Variants in NRXN3 observed in about 807,000 individuals in gnomAD.
NRXN3 encodes neurexin 3, also known as neurexin III.
In NRXN3, 32 loss-of-function variants were observed where a neutral mutation model predicts 137.6. That is an observed-to-expected ratio of 0.23 (90% CI 0.18 to 0.31). The LOEUF (loss-of-function observed/expected upper bound fraction) is 0.31. Among genes scored for constraint, NRXN3 ranks in the 10% least tolerant of loss-of-function variants. The pLI is 1.00. For missense variants in NRXN3, 1,574 were observed against 2,062.5 expected, an observed-to-expected ratio of 0.76 and a Z score of 4.59; for synonymous variants, 798 against 784.5, an observed-to-expected ratio of 1.02 and a Z score of -0.29.
intron 19 of NRXN3, among the ~76,000 whole-genome samples, chr14:79,710,038 G>T (rs1218489044): frequency 6.6e-6 from 1 of 152,052 alleles, no homozygotes; most frequent in Non-Finnish European, 1.5e-5. Context: ...CCTGGATGGG[G>T]TTTTTGTTAT....
At chr14:79,123,782 T>A (rs540368123) in intron 15 of NRXN3, among the ~76,000 whole-genome samples, 2 of 151,948 alleles carry the variant, frequency 1.3e-5, no homozygotes, top group African/African-American at 4.8e-5. Flanking sequence ...AAAGTGGGAG[T>A]ACTGTATACA....
chr14:78,405,617 G>T (rs1398704823), intron 4 of NRXN3, among the ~76,000 whole-genome samples: 1 of 143,426 alleles, frequency 7.0e-6, no homozygotes, highest in Non-Finnish European at 1.5e-5. Context: ...AAGGGGCGGG[G>T]GGGTTCCGGG....
chr14:78,997,828 G>T (rs1179879261), intron 15 of NRXN3, among the ~76,000 whole-genome samples: 1 of 152,158 alleles, frequency 6.6e-6, no homozygotes, highest in Middle Eastern at 3.2e-3. Context: ...GGTCATTGCT[G>T]TTTGAATTTG....
intron 10 of NRXN3, among the ~76,000 whole-genome samples, chr14:78,815,479 C>CTTTTTTTTCTTT (rs2098929357): frequency 2.4e-5 from 2 of 84,438 alleles, no homozygotes; most frequent in Admixed American, 1.9e-4. Context: ...TTGTTTCTTT[C>CTTTTTTTTCTTT]TTTTTTTTTT....
rs146428700 is a variant in NRXN3, at chr14:78,710,022, C to T, written c.1660+367C>T. ...TCTTTTTCCTCATCACCATGGAAAC[C>T]GATTGTGACATCACAGATGCTGCAT... On this transcript the variant is annotated intron_variant, in intron 7 of 20. Coordinates refer to ENST00000335750, the MANE Select transcript of NRXN3 (RefSeq NM_001330195.2). The T allele has an allele frequency of 1.1e-3, 238 of 223,184 alleles. 4 individuals carry two copies. The East Asian group carries it at 0.02, about 19-fold the overall frequency. 13.8% of individuals were successfully genotyped at this position (223,184 alleles called of 1,614,324 possible). A position where few individuals can be genotyped will look rare whatever the true frequency, so the allele number is the denominator to read the frequency against.
At chr14:78,410,314 T>G (rs897757858) in intron 4 of NRXN3, among the ~76,000 whole-genome samples, 1 of 152,208 alleles carries the variant, frequency 6.6e-6, no homozygotes, top group African/African-American at 2.4e-5. Context: ...ATGTTATAGC[T>G]CTGTTAGATG....
chr14:79,084,069 C>T (rs369817417), intron 15 of NRXN3, among the ~76,000 whole-genome samples: 16 of 151,962 alleles, frequency 1.1e-4, no homozygotes, highest in Admixed American at 2.0e-4. Context: ...ACCACCATGC[C>T]TGGTTAATTT....
chr14:79,634,237 A>T (rs948626328), intron 16 of NRXN3, among the ~76,000 whole-genome samples: 1 of 152,154 alleles, frequency 6.6e-6, no homozygotes, highest in Non-Finnish European at 1.5e-5. Context: ...TCATGCTACT[A>T]TCTATCCTGT....
intron 15 of NRXN3, among the ~76,000 whole-genome samples, chr14:79,357,203 A>G (rs1366870408): frequency 6.6e-6 from 1 of 152,216 alleles, no homozygotes; most frequent in East Asian, 1.9e-4. Flanking sequence ...AGACATTTCA[A>G]CAGAAAACCA....
chr14:78,711,027 T>C (rs540267956), intron 7 of NRXN3, among the ~76,000 whole-genome samples: 1 of 152,340 alleles, frequency 6.6e-6, no homozygotes, highest in African/African-American at 2.4e-5. Context: ...CTTCTTCTTC[T>C]TCTTTTCTTT....
At chr14:78,328,231 A>G (rs1294936067) in intron 4 of NRXN3, among the ~76,000 whole-genome samples, 2 of 152,166 alleles carry the variant, frequency 1.3e-5, no homozygotes, top group Non-Finnish European at 2.9e-5. Flanking sequence ...AGTCTAGGAA[A>G]AAATAATTCT....
intron 15 of NRXN3, among the ~76,000 whole-genome samples, chr14:79,368,745 C>G (rs2093986831): frequency 6.6e-6 from 1 of 152,196 alleles, no homozygotes; most frequent in African/African-American, 2.4e-5. Context: ...ACCTAGACAT[C>G]AGTCACCATC....
chr14:78,739,324 G>A (rs1221920128), intron 8 of NRXN3, among the ~76,000 whole-genome samples: 4 of 152,308 alleles, frequency 2.6e-5, no homozygotes, highest in South Asian at 2.1e-4. Flanking sequence ...TGTTGGCTGC[G>A]ATCCTCAGGT....
intron 16 of NRXN3, among the ~76,000 whole-genome samples, chr14:79,623,690 A>T (rs1175299086): frequency 6.6e-6 from 1 of 152,218 alleles, no homozygotes; most frequent in Non-Finnish European, 1.5e-5. Flanking sequence ...TTCATTCAGG[A>T]TATTTAATTC....
In NRXN3 at chr14:79,862,180, C is replaced by T. The variant is rs2099414780; in HGVS notation, c.*216C>T. On this transcript the variant is annotated 3_prime_UTR_variant, in exon 21 of 21. Transcript: ENST00000335750. ...GCTCAGCCACGGCTGCGGCAAGGTC[C>T]CAGCGGTCGCTGGGAGACAGAAGGT... 7.6e-6 allele frequency: 4 copies of T among 527,764 alleles called. No homozygotes were observed. The highest frequency in any genetic ancestry group is 1.9e-5 in the African/African-American group (1 of 52,542). The allele number at this position is 527,764 out of a possible 1,614,324, so 32.7% of individuals were successfully genotyped here. A position where few individuals can be genotyped will look rare whatever the true frequency, so the allele number is the denominator to read the frequency against.
chr14:79,015,889 T>C (rs1158172729), intron 15 of NRXN3, among the ~76,000 whole-genome samples: 4 of 152,144 alleles, frequency 2.6e-5, no homozygotes, highest in African/African-American at 9.7e-5. Flanking sequence ...GATTTGTTGC[T>C]TATCTAGTAC....
At chr14:78,550,055 A>G (rs1273465295) in intron 4 of NRXN3, among the ~76,000 whole-genome samples, 1 of 140,418 alleles carries the variant, frequency 7.1e-6, no homozygotes, top group Non-Finnish European at 1.5e-5. Flanking sequence ...TTTTTTTGAG[A>G]CAGGATCTCA....
rs1342905491 is a variant in NRXN3 at position 78,645,127 on chromosome 14, G to T, written c.765G>T (p.Glu255Asp). The change falls in exon 5 of 21, where the codon GAG (glutamate) becomes GAT (aspartate). Residue 255 changes from glutamate (E) to aspartate (D), a missense_variant. Glu to Asp is a conservative substitution (Grantham distance 45). Coordinates refer to ENST00000335750, the MANE Select transcript of NRXN3 (RefSeq NM_001330195.2). ...TCTTTTCTTTTCCTATAGCTCGAGA[G>T]GAGAATGTGGCCACTTTCCGAGGCT... ...SHLMMSEQAR[E>D]ENVATFRGSE... 1 of 1,557,454 alleles carries T rather than the reference G, an allele frequency of 6.4e-7. No homozygotes were observed. Among genetic ancestry groups the T allele is most frequent in the Non-Finnish European group, 8.6e-7 (1 of 1,157,374 alleles).
At chr14:79,769,822 G>T (rs2099070629) in intron 19 of NRXN3, among the ~76,000 whole-genome samples, 1 of 152,082 alleles carries the variant, frequency 6.6e-6, no homozygotes, top group Non-Finnish European at 1.5e-5. Flanking sequence ...AAAAGACACA[G>T]ACTGGCAAAT....
Sources: allele counts gnomAD v4.1 joint callset (sites outside exome capture counted in the v4.1 genomes callset), GRCh38; gene constraint gnomAD v4.1.1; transcripts MANE v1.5; gene names NCBI Gene and HGNC (gene_info 2026-07-23, HGNC 2026-07-21).